LRRC46: variants seen among roughly 807,000 people sequenced by gnomAD.
LRRC46 encodes the protein leucine-rich repeat-containing protein 46.
LRRC46 carries 20 observed loss-of-function variants against 28.0 expected under a neutral mutation model. The ratio of observed to expected loss-of-function variants is 0.71; its 90% CI spans 0.50 to 1.04. The LOEUF (loss-of-function observed/expected upper bound fraction) is 1.04, where lower values mean the gene tolerates loss of function less well. Ranked by LOEUF, LRRC46 falls within the 50% of genes least tolerant of loss-of-function variation. The pLI is 0.00. For missense variants in LRRC46, 315 were observed against 390.1 expected, an observed-to-expected ratio of 0.81 and a Z score of 1.62; for synonymous variants, 156 against 158.8, an observed-to-expected ratio of 0.98 and a Z score of 0.13.
chr17:47,831,747 C>G lies in LRRC46; in HGVS notation c.-243C>G. On this transcript the variant is annotated 5_prime_UTR_variant, in exon 1 of 8. Coordinates refer to ENST00000269025, the MANE Select transcript of LRRC46 (RefSeq NM_033413.4). ...TTCTCAACCATTCCTGCCCACAACA[C>G]CCCAGCTTGCTGCCAGCAAAGCCCC... The G allele has an allele frequency of 1.6e-6, 1 of 638,840 alleles. No individual in the cohort carries two copies. The highest frequency in any genetic ancestry group is 2.7e-6 in the Non-Finnish European group (1 of 367,442). 39.6% of individuals were successfully genotyped at this position (638,840 alleles called of 1,614,324 possible). A position where few individuals can be genotyped will look rare whatever the true frequency, so the allele number is the denominator to read the frequency against.
At chr17:47,832,068 G>A in intron 1 of LRRC46, 32 bp from the exon 2 acceptor site, 2 of 1,613,598 alleles carry the variant, frequency 1.2e-6, no homozygotes, top group East Asian at 2.2e-5. Context: ...CAAGAGTGAG[G>A]AAGTGTCACA....
chr17:47,836,974 AC>A lies in LRRC46; in HGVS notation c.822del (p.Lys275ArgfsTer6). 6.2e-7 allele frequency: 1 copy of A among 1,613,238 alleles called. No individual in the cohort carries two copies. The highest frequency in any genetic ancestry group is 8.5e-7 in the Non-Finnish European group (1 of 1,179,760). On this transcript the variant is annotated frameshift_variant, in exon 8 of 8. Coordinates refer to ENST00000269025, the MANE Select transcript of LRRC46 (RefSeq NM_033413.4). LOFTEE classifies it low-confidence loss of function (END_TRUNC). The surrounding 1 kb of genome is among the most constrained non-coding windows in gnomAD (Gnocchi z 5.8). ...AVSSPQASSPTKKPCSLIPRG... is the reference protein window; with the variant it reads ...AVSSPQASSPXKKPCSLIPRG... ...CTCCTCACCCCAGGCCTCCTCTCCCACCAAGAAACCATGCAGTCTGATTCCC... is the reference window on the plus strand; with the variant it reads ...CTCCTCACCCCAGGCCTCCTCTCCCACAAGAAACCATGCAGTCTGATTCCC...
At chr17:47,835,826 C>T (rs750716338) in intron 5 of LRRC46, 51 bp downstream of exon 5, 23 of 1,504,658 alleles carry the variant, frequency 1.5e-5, no homozygotes, top group Admixed American at 6.7e-5. Context: ...GTGGGGCCTG[C>T]CCTCCCCTCT....
Position 47,835,356 on chromosome 17 carries a change from A to G in LRRC46, c.229A>G (p.Lys77Glu), listed in dbSNP as rs2033681065. Residue 77 changes from lysine (K) to glutamate (E), a missense_variant, in exon 4 of 8, where the codon AAG (lysine) becomes GAG (glutamate). Physicochemically the swap from Lys to Glu is moderately conservative, Grantham distance 56. Transcript: ENST00000269025. ...CCACTTCGGTTTCTTCTTGCAGAAT[A>G]AGATCCAGCAAATTGAGAACCTGGC... ...NLHSLYLQGNKIQQIENLACI... is the reference protein window; with the variant it reads ...NLHSLYLQGNEIQQIENLACI... The G allele has an allele frequency of 6.2e-7, 1 of 1,614,076 alleles. No individual in the cohort carries two copies. Among genetic ancestry groups the G allele is most frequent in the Non-Finnish European group, 8.5e-7 (1 of 1,180,028 alleles).
intron 2 of LRRC46, chr17:47,834,146 C>T (rs919908831): frequency 3.6e-5 from 39 of 1,094,458 alleles, no homozygotes; most frequent in Non-Finnish European, 4.4e-5. Context: ...CTGAATCTCT[C>T]CAGAAACCAT....
chr17:47,835,825 G>GC, intron 5 of LRRC46, 50 bp downstream of exon 5: 1 of 1,515,948 alleles, frequency 6.6e-7, no homozygotes, highest in South Asian at 1.1e-5. Context: ...TGTGGGGCCT[G>GC]CCCTCCCCTC....
At position 47,836,088 on chromosome 17, in the gene LRRC46, C is replaced by A. The variant is rs2143611930; in HGVS notation, c.438C>A (p.Asn146Lys). The A allele has an allele frequency of 6.2e-7, 1 of 1,614,146 alleles. No individual in the cohort carries two copies. Among genetic ancestry groups the A allele is most frequent in the Non-Finnish European group, 8.5e-7 (1 of 1,180,008 alleles). The change falls in exon 6 of 8, where the codon AAC (asparagine) becomes AAA (lysine). Residue 146 changes from asparagine (N) to lysine (K), a missense_variant. By Grantham distance (94) the Asn-to-Lys change is moderately conservative. Transcript: ENST00000269025. The surrounding 1 kb of genome is among the most constrained non-coding windows in gnomAD (Gnocchi z 5.8). ...ACCTGTCTGGAAACAGCTGCACCAA[C>A]CAGGATGGCTACCGGTAAGGAGTGG... ...ILNLSGNSCT[N>K]QDGYRELVTE...
chr17:47,836,795 A>G lies in LRRC46; in HGVS notation c.641A>G (p.His214Arg), dbSNP rs757722583. The change falls in exon 8 of 8, where the codon CAC (histidine) becomes CGC (arginine). Residue 214 changes from histidine (H) to arginine (R), a missense_variant. Physicochemically the swap from His to Arg is conservative, Grantham distance 29. Transcript: ENST00000269025. The surrounding 1 kb of genome is among the most constrained non-coding windows in gnomAD (Gnocchi z 5.8). ...CAGGAGCTGAGCAGGCACAGGGAGC[A>G]CCGGCAACAGACGGCCCTGACAGAG... Reference protein sequence around the residue: ...LEQELSRHREHRQQTALTEHL... With the variant: ...LEQELSRHRERRQQTALTEHL... 6 of 1,613,804 alleles carry G rather than the reference A, an allele frequency of 3.7e-6. No individual in the cohort carries two copies. In the South Asian group the frequency reaches 6.6e-5, roughly 18 times the overall value.
intron 2 of LRRC46, among the ~76,000 whole-genome samples, chr17:47,833,505 A>G (rs911366615): frequency 1.4e-5 from 2 of 147,976 alleles, no homozygotes; most frequent in African/African-American, 5.0e-5. Flanking sequence ...CTGGAGTGCA[A>G]TGGTGTGATC....
At chr17:47,834,739 C>T in intron 3 of LRRC46, 1 of 471,142 alleles carries the variant, frequency 2.1e-6, no homozygotes, top group Non-Finnish European at 3.8e-6. Flanking sequence ...GACCTGTGCT[C>T]CTTCCACTGT....
Position 47,836,853 on chromosome 17 carries a change from C to T in LRRC46, c.699C>T (p.Leu233=). The part of the protein sequence containing the change: ...HLLRMEMQPT[L]TDLPLLPGVP... ...TGAGGATGGAGATGCAGCCCACCCT[C>T]ACCGACCTGCCCCTGCTACCTGGGG... Residue 233 remains leucine (L), a synonymous_variant, in exon 8 of 8, where the codon CTC becomes CTT. Coordinates refer to ENST00000269025, the MANE Select transcript of LRRC46 (RefSeq NM_033413.4). The surrounding 1 kb of genome is among the most constrained non-coding windows in gnomAD (Gnocchi z 5.8). 6.2e-7 allele frequency: 1 copy of T among 1,613,986 alleles called. No homozygotes were observed. The highest frequency in any genetic ancestry group is 8.5e-7 in the Non-Finnish European group (1 of 1,180,008).
chr17:47,834,448 A>T lies in LRRC46; in HGVS notation c.140A>T (p.Gln47Leu), dbSNP rs2076467036. ...AGGTTTCACACTCTTGATGAACTGCAGACTGTCCGCCTGGACCGGGAGGGG... is the reference window on the plus strand; with the variant it reads ...AGGTTTCACACTCTTGATGAACTGCTGACTGTCCGCCTGGACCGGGAGGGG... ...EKMFHTLDEL[Q>L]TVRLDREGIT... The change falls in exon 3 of 8, where the codon CAG becomes CTG. Residue 47 changes from glutamine to leucine, a missense_variant. Transcript: ENST00000269025. The T allele has an allele frequency of 6.2e-7, 1 of 1,613,606 alleles. No individual in the cohort carries two copies. The highest frequency in any genetic ancestry group is 8.5e-7 in the Non-Finnish European group (1 of 1,179,692).
In LRRC46 at chr17:47,836,533, C is replaced by T; in HGVS notation, c.595+58C>T. 6.3e-7 allele frequency: 1 copy of T among 1,588,248 alleles called. No individual in the cohort carries two copies. The highest frequency in any genetic ancestry group is 1.1e-5 in the South Asian group (1 of 88,158). ...CAGAGCCCACCTCTGCCCTGTGGGA[C>T]ATGAGGGAAGCTAAGGTGGCAGTGG... On this transcript the variant is annotated intron_variant, in intron 7 of 7. Coordinates refer to ENST00000269025, the MANE Select transcript of LRRC46 (RefSeq NM_033413.4). This position sits in a 1 kb window ranked among gnomAD's most constrained non-coding sequence, Gnocchi z 5.8.
intron 2 of LRRC46, 77 bp from the exon 3 acceptor site, chr17:47,834,348 C>T (rs1397350766): frequency 4.7e-5 from 50 of 1,065,228 alleles, no homozygotes; most frequent in Non-Finnish European, 1.1e-5. Context: ...CCCCTTCCCT[C>T]CTCCGTCTCC....
In LRRC46 at chr17:47,835,714, C is replaced by T. The variant is rs368488362; in HGVS notation, c.321C>T (p.Leu107=). ...GNQIRQVENL[L]DLPCLQFLDL... is the part of the protein sequence containing the mutation. ...AAATCAGGCAGGTGGAAAACCTCCT[C>T]GACCTCCCATGCCTCCAGTTTCTGG... Residue 107 remains leucine, a synonymous_variant, in exon 5 of 8, where the codon CTC becomes CTT. Coordinates refer to ENST00000269025, the MANE Select transcript of LRRC46 (RefSeq NM_033413.4). 60 of 1,614,114 alleles carry T rather than the reference C, an allele frequency of 3.7e-5. No homozygotes were observed. The highest frequency in any genetic ancestry group is 1.9e-4 in the African/African-American group (14 of 74,936).
In LRRC46 at chr17:47,837,423, C is replaced by T. The variant is rs770473468; in HGVS notation, c.*303C>T. 4.6e-6 allele frequency: 2 copies of T among 439,348 alleles called. No homozygotes were observed. Among genetic ancestry groups the T allele is most frequent in the African/African-American group, 2.1e-5 (1 of 48,000 alleles). The allele number at this position is 439,348 out of a possible 1,614,324, so 27.2% of individuals were successfully genotyped here. A position where few individuals can be genotyped will look rare whatever the true frequency, so the allele number is the denominator to read the frequency against. On this transcript the variant is annotated 3_prime_UTR_variant, in exon 8 of 8. Coordinates refer to ENST00000269025, the MANE Select transcript of LRRC46 (RefSeq NM_033413.4). ...CTCCCACTTGGGCAGGAAGCGGGCA[C>T]CACCTCATGGAAGAGGCATGCCATC...
At chr17:47,834,158 A>T (rs2033667396) in intron 2 of LRRC46, 10 of 1,100,298 alleles carry the variant, frequency 9.1e-6, no homozygotes, top group Admixed American at 4.9e-5. Context: ...AGAAACCATA[A>T]GCTGCCATCC....
rs1400859154 is a variant in LRRC46 at position 47,837,554 on chromosome 17, C to G, written c.*434C>G. The stretch of plus-strand genomic sequence containing the variant: ...AGCCAGCTCCTGTCCCCTCCCTGTC[C>G]TCCTGCCCAGTCCCCATCACTCACC... On this transcript the variant is annotated 3_prime_UTR_variant, in exon 8 of 8. Coordinates refer to ENST00000269025, the MANE Select transcript of LRRC46 (RefSeq NM_033413.4). The G allele has an allele frequency of 1.2e-4, 54 of 461,622 alleles. No homozygotes were observed. In the South Asian group the frequency reaches 1.5e-3, roughly 13 times the overall value. 28.6% of individuals were successfully genotyped at this position (461,622 alleles called of 1,614,324 possible).
rs373686741 is a variant in LRRC46, at chr17:47,834,473, G to A, written c.165G>A (p.Gly55=). The stretch of plus-strand genomic sequence containing the variant: ...AGACTGTCCGCCTGGACCGGGAGGG[G>A]ATTACTACTATCAGGAACTTAGAAG... The part of the protein sequence containing the change: ...ELQTVRLDRE[G]ITTIRNLEGL... The change falls in exon 3 of 8, where the codon GGG becomes GGA. Residue 55 remains glycine, a synonymous_variant. Coordinates refer to ENST00000269025, the MANE Select transcript of LRRC46 (RefSeq NM_033413.4). The A allele has an allele frequency of 9.3e-6, 15 of 1,613,692 alleles. No individual in the cohort carries two copies. Among genetic ancestry groups the A allele is most frequent in the African/African-American group, 6.7e-5 (5 of 74,904 alleles).
Sources: allele counts gnomAD v4.1 joint callset (sites outside exome capture counted in the v4.1 genomes callset), GRCh38; gene constraint gnomAD v4.1.1; non-coding constraint Gnocchi (gnomAD v3.1); transcripts MANE v1.5; gene names NCBI Gene and HGNC (gene_info 2026-07-23, HGNC 2026-07-21).